FREM1: variants seen among roughly 807,000 people sequenced by gnomAD.
FREM1 encodes FRAS1 related extracellular matrix 1.
FREM1 carries 220 observed loss-of-function variants against 210.1 expected under a neutral mutation model. That is an observed-to-expected ratio of 1.05 (90% CI 0.94 to 1.17). The LOEUF (loss-of-function observed/expected upper bound fraction) is 1.17. Ranked by LOEUF, FREM1 falls within the 50% of genes most tolerant of loss-of-function variation. The pLI is 0.00. For missense variants in FREM1, 3,454 were observed against 2,675.5 expected (o/e 1.29, Z -6.42); for synonymous variants, 1,189 against 980.2 (o/e 1.21, Z -3.98).
intron 1 of FREM1, among the ~76,000 whole-genome samples, chr9:14,898,554 C>T (rs145475820): frequency 0.016 from 2,469 of 152,182 alleles, 27 homozygotes; most frequent in African/African-American, 0.03. Flanking sequence ...CCAGCCTGGC[C>T]AACATGGCGA....
In FREM1 at chr9:14,813,590, A is replaced by G. The variant is rs192526856; in HGVS notation, c.2641-526T>C. Among the ~76,000 whole-genome samples, 236 of 152,338 alleles carry G rather than the reference A, an allele frequency of 1.5e-3. 2 individuals are homozygous for G. The highest frequency in any genetic ancestry group is 5.5e-3 in the African/African-American group (227 of 41,574). On this transcript the variant is annotated intron_variant, in intron 15 of 36. Transcript: ENST00000380880. The stretch of plus-strand genomic sequence containing the variant: ...GCATTTCAAACAGTTTGAGTTAAAT[A>G]TGAAACTCCGTAACTATTCAATCAA...
chr9:14,743,156 C>T (rs1841862578), intron 35 of FREM1, among the ~76,000 whole-genome samples: 1 of 152,044 alleles, frequency 6.6e-6, no homozygotes, highest in Admixed American at 6.6e-5. Context: ...GGTGAAGGTG[C>T]TTAAAACCAA....
chr9:14,838,800 T>C (rs1020542935), intron 10 of FREM1, among the ~76,000 whole-genome samples: 9 of 152,092 alleles, frequency 5.9e-5, no homozygotes, highest in Non-Finnish European at 1.2e-4. Context: ...ATAAAAGAAA[T>C]AGTGGTCTTA....
chr9:14,761,871 C>T (rs1845557814), intron 27 of FREM1, among the ~76,000 whole-genome samples: 1 of 152,184 alleles, frequency 6.6e-6, no homozygotes. Flanking sequence ...ATAATCATGG[C>T]CCCAAAGTGC....
intron 1 of FREM1, among the ~76,000 whole-genome samples, chr9:14,873,359 T>A (rs1259328492): frequency 1.3e-5 from 2 of 152,210 alleles, no homozygotes; most frequent in African/African-American, 2.4e-5. Context: ...CTGTTATTGG[T>A]CTATTCAGAG....
At chr9:14,862,092 A>T (rs1830702153) in intron 3 of FREM1, among the ~76,000 whole-genome samples, 1 of 152,198 alleles carries the variant, frequency 6.6e-6, no homozygotes, top group South Asian at 2.1e-4. Flanking sequence ...TTCCTAAGGA[A>T]TCCTTGAGTG....
At chr9:14,871,244 T>C (rs938927804) in intron 1 of FREM1, among the ~76,000 whole-genome samples, 11 of 152,356 alleles carry the variant, frequency 7.2e-5, no homozygotes, top group African/African-American at 2.2e-4. Flanking sequence ...ACTTCCACAA[T>C]GGTTGAACTA....
rs201917627 is a variant in FREM1, at chr9:14,811,242, A to AT, written c.2893+1569dup. On this transcript the variant is annotated intron_variant, in intron 16 of 36. Coordinates refer to ENST00000380880, the MANE Select transcript of FREM1 (RefSeq NM_001379081.2). ...TTGCCCCAATGTCCTACTGGGTTTTATTTTAAAAAAAATTAGTTAATAGTC... is the reference window on the plus strand; with the variant it reads ...TTGCCCCAATGTCCTACTGGGTTTTATTTTTAAAAAAAATTAGTTAATAGTC... Among the ~76,000 whole-genome samples, 526 of 146,594 alleles carry AT rather than the reference A, an allele frequency of 3.6e-3. 5 individuals carry two copies. Among genetic ancestry groups the AT allele is most frequent in the African/African-American group, 0.012 (482 of 40,930 alleles).
chr9:14,869,105 C>A lies in FREM1; in HGVS notation c.-128G>T. ...GGGTGAGGGGTCCTGACAATGTGCC[C>A]CGAGATCTTAACATGCCCCTTTCAT... is the stretch of plus-strand genomic sequence containing the variant. On this transcript the variant is annotated 5_prime_UTR_variant, in exon 2 of 37. Coordinates refer to ENST00000380880, the MANE Select transcript of FREM1 (RefSeq NM_001379081.2). 1 of 607,894 alleles carries A rather than the reference C, an allele frequency of 1.6e-6. No individual in the cohort carries two copies. Among genetic ancestry groups the A allele is most frequent in the Non-Finnish European group, 2.8e-6 (1 of 353,988 alleles). The allele number at this position is 607,894 out of a possible 1,614,324, so 37.7% of individuals were successfully genotyped here.
At chr9:14,802,823 A>C (rs541595292) in intron 19 of FREM1, among the ~76,000 whole-genome samples, 1 of 152,328 alleles carries the variant, frequency 6.6e-6, no homozygotes, top group African/African-American at 2.4e-5. Flanking sequence ...AAGGTCCATC[A>C]ATAACTATAA....
Position 14,742,116 on chromosome 9 carries a change from TGTG to T in FREM1, c.6255-1885_6255-1883del, listed in dbSNP as rs1174772877. On this transcript the variant is annotated intron_variant, in intron 35 of 36. Transcript: ENST00000380880. ...ATTTTATGCTCACATACATATAAAA[TGTG>T]GTGGGTATTATCTGTATAGGTGTAT... is the stretch of plus-strand genomic sequence containing the variant. 2.6e-5 allele frequency among the ~76,000 whole-genome samples: 4 copies of T among 152,286 alleles called. No homozygotes were observed. The East Asian group carries it at 7.7e-4, about 29-fold the overall frequency.
chr9:14,738,247 T>C (rs999464351), intron 36 of FREM1, among the ~76,000 whole-genome samples: 3 of 152,148 alleles, frequency 2.0e-5, no homozygotes, highest in Non-Finnish European at 4.4e-5. Context: ...CCCTACTCAC[T>C]CTCTTTCATA....
In FREM1 at chr9:14,770,686, C is replaced by G; in HGVS notation, c.4978G>C (p.Asp1660His). ...ATCTGATCGTCCTCAGTGTCAGGGT[C>G]TGATGCCTTCAACACGCGGGAAGTG... ...YITSRVLKAS[D>H]PDTEDDQIIF... Residue 1660 changes from aspartate (D) to histidine (H), a missense_variant, in exon 26 of 37, where the codon GAC becomes CAC. Coordinates refer to ENST00000380880, the MANE Select transcript of FREM1 (RefSeq NM_001379081.2). 6.2e-7 allele frequency: 1 copy of G among 1,613,546 alleles called. No homozygotes were observed. The highest frequency in any genetic ancestry group is 8.5e-7 in the Non-Finnish European group (1 of 1,179,568).
At chr9:14,821,772 A>G (rs1033153929) in intron 13 of FREM1, among the ~76,000 whole-genome samples, 2 of 152,250 alleles carry the variant, frequency 1.3e-5, no homozygotes, top group Non-Finnish European at 1.5e-5. Context: ...AGCACGCCCT[A>G]TGCAATGGCT....
intron 21 of FREM1, among the ~76,000 whole-genome samples, chr9:14,796,058 C>A (rs1373010624): frequency 1.3e-5 from 2 of 152,136 alleles, no homozygotes; most frequent in Admixed American, 6.5e-5. Context: ...TACTTTTAGA[C>A]AAACTGATGT....
intron 25 of FREM1, among the ~76,000 whole-genome samples, chr9:14,771,325 A>G (rs1847535078): frequency 6.6e-6 from 1 of 152,114 alleles, no homozygotes; most frequent in African/African-American, 2.4e-5. Flanking sequence ...TCTTTTTTCA[A>G]CTGGCAAAAA....
intron 23 of FREM1, 29 bp from the exon 24 acceptor site, chr9:14,784,663 AATC>A (rs1305858794): frequency 3.4e-6 from 5 of 1,468,274 alleles, no homozygotes; most frequent in Non-Finnish European, 4.5e-6. Context: ...TATGGTCAAT[AATC>A]ATATCAAAAA....
chr9:14,861,330 CAT>C lies in FREM1; in HGVS notation c.330-1848_330-1847del, dbSNP rs748716723. ...ATATATACATATATACACATATATA[CAT>C]ATATACACATATATATACATATATA... On this transcript the variant is annotated intron_variant, in intron 3 of 36. Coordinates refer to ENST00000380880, the MANE Select transcript of FREM1 (RefSeq NM_001379081.2). 3.6e-3 allele frequency among the ~76,000 whole-genome samples: 444 copies of C among 124,398 alleles called. 42 individuals are homozygous for C. The highest frequency in any genetic ancestry group is 5.3e-3 in the Non-Finnish European group (338 of 63,776). 81.6% of individuals were successfully genotyped at this position (124,398 alleles called of 152,430 possible). A position where few individuals can be genotyped will look rare whatever the true frequency, so the allele number is the denominator to read the frequency against.
intron 19 of FREM1, 132 bp from the exon 20 acceptor site, chr9:14,802,006 C>A: frequency 8.3e-6 from 5 of 600,934 alleles, no homozygotes; most frequent in South Asian, 5.8e-5. Context: ...AGGATGAGTC[C>A]TAAAAAGAAA....
Sources: gnomAD v4.1 joint callset for allele counts (sites outside exome capture counted in the v4.1 genomes callset) on GRCh38, gnomAD v4.1.1 for gene constraint, MANE v1.5 for transcripts, NCBI Gene and HGNC (gene_info 2026-07-23, HGNC 2026-07-21) for gene names.